HEATR4: variants seen among roughly 807,000 people sequenced by gnomAD.
HEATR4 encodes the protein HEAT repeat-containing protein 4.
HEATR4 carries 95 observed loss-of-function variants against 108.8 expected under a neutral mutation model. The ratio of observed to expected loss-of-function variants is 0.87; its 90% confidence interval spans 0.74 to 1.04. The LOEUF (loss-of-function observed/expected upper bound fraction) is 1.04, where lower values mean the gene tolerates loss of function less well. HEATR4 is among the 50% of genes least tolerant of loss of function. The probability of loss-of-function intolerance (pLI) is 0.00; values close to 1 mark genes in which losing one functional copy is unlikely to be tolerated. For missense variants in HEATR4, 1,152 were observed against 1,253.8 expected, an observed-to-expected ratio of 0.92 and a Z score of 1.23; for synonymous variants, 443 against 459.4, an observed-to-expected ratio of 0.96 and a Z score of 0.46.
At chr14:73,602,792 A>G in the HEATR4 span, among the ~76,000 whole-genome samples, 1 of 152,112 alleles carries the variant, frequency 6.6e-6, no homozygotes, top group African/African-American at 2.4e-5. Flanking sequence ...TTATTTTGAC[A>G]ATGCTTCCCA....
chr14:73,568,897 G>T, the HEATR4 span, among the ~76,000 whole-genome samples: 7 of 152,016 alleles, frequency 4.6e-5, no homozygotes, highest in Admixed American at 1.3e-4. Flanking sequence ...AAAGCCCTAA[G>T]ATTAGTAATG....
chr14:73,498,623 A>G (rs1886241187), intron 13 of HEATR4, among the ~76,000 whole-genome samples: 2 of 152,232 alleles, frequency 1.3e-5, no homozygotes, highest in Admixed American at 1.3e-4. Flanking sequence ...TGATGGGGAA[A>G]GGAGGCACAA....
At position 73,538,371 on chromosome 14, in the gene HEATR4, T is replaced by C. The variant is rs1222784736; in HGVS notation, c.-151-8127A>G. The stretch of plus-strand genomic sequence containing the variant: ...GCTCACGCCTGTAATCCCAGCACTT[T>C]GAGAAGCCGAGGCGGGCGGATCACG... On this transcript the variant is annotated intron_variant, in intron 1 of 17. Coordinates refer to ENST00000553558, the MANE Select transcript of HEATR4 (RefSeq NM_001220484.1). Among the ~76,000 whole-genome samples, 2 of 114,088 alleles carry C rather than the reference T, an allele frequency of 1.8e-5. 1 individual carries two copies. Among genetic ancestry groups the C allele is most frequent in the Non-Finnish European group, 3.8e-5 (2 of 52,538 alleles). 74.8% of individuals were successfully genotyped at this position (114,088 alleles called of 152,430 possible). A position where few individuals can be genotyped will look rare whatever the true frequency, so the allele number is the denominator to read the frequency against.
At chr14:73,616,690 CA>C in the HEATR4 span, 387 of 182,482 alleles carry the variant, frequency 2.1e-3, 1 homozygote, top group African/African-American at 7.0e-3. Flanking sequence ...GTGAGACTGT[CA>C]AAAAAAAATT....
the HEATR4 span, among the ~76,000 whole-genome samples, chr14:73,577,491 G>T: frequency 7.2e-6 from 1 of 139,252 alleles, no homozygotes; most frequent in East Asian, 2.0e-4. Flanking sequence ...TAGCTGGCCT[G>T]GCCAAGTCCC....
the HEATR4 span, among the ~76,000 whole-genome samples, chr14:73,625,052 TTTTA>T: frequency 6.6e-5 from 10 of 151,918 alleles, no homozygotes; most frequent in Admixed American, 1.3e-4. Flanking sequence ...CTTTTCATTA[TTTTA>T]TTTATTTATT....
At chr14:73,546,494 G>A (rs1316928412) in intron 1 of HEATR4, among the ~76,000 whole-genome samples, 1 of 111,682 alleles carries the variant, frequency 9.0e-6, no homozygotes, top group Non-Finnish European at 1.9e-5. Flanking sequence ...CCCCTGAGTA[G>A]CTGGGACTGC....
intron 9 of HEATR4, among the ~76,000 whole-genome samples, chr14:73,506,870 G>A (rs1289239359): frequency 5.9e-5 from 8 of 135,576 alleles, no homozygotes; most frequent in Admixed American, 8.3e-5. Context: ...GCACAATCTC[G>A]GCTCACTGCA....
At position 73,478,826 on chromosome 14, in the gene HEATR4, G is replaced by A; in HGVS notation, c.2861C>T (p.Ala954Val). The A allele has an allele frequency of 6.2e-7, 1 of 1,606,986 alleles. No homozygotes were observed. The highest frequency in any genetic ancestry group is 1.1e-5 in the South Asian group (1 of 90,912). ...EAVIKPVKPRAPNPWLQSSVP... is the reference protein window; with the variant it reads ...EAVIKPVKPRVPNPWLQSSVP... ...TGAACTTTGTAACCAGGGATTTGGT[G>A]CGCGGGGCTTCACAGGCTGCAGAGA... Residue 954 changes from alanine (A) to valine (V), a missense_variant, in exon 18 of 18, where the codon GCA becomes GTA. By Grantham distance (64) the Ala-to-Val change is moderately conservative. Transcript: ENST00000553558.
chr14:73,579,145 A>G, the HEATR4 span, among the ~76,000 whole-genome samples: 1 of 150,852 alleles, frequency 6.6e-6, no homozygotes, highest in Non-Finnish European at 1.5e-5. Context: ...AATCCCAGCT[A>G]CTTGGGAGGC....
At chr14:73,609,671 C>T in the HEATR4 span, among the ~76,000 whole-genome samples, 1 of 152,078 alleles carries the variant, frequency 6.6e-6, no homozygotes, top group Non-Finnish European at 1.5e-5. Context: ...GACAGAATCT[C>T]GCTCTGTTAC....
At chr14:73,499,434 C>T (rs1005233774) in intron 12 of HEATR4, among the ~76,000 whole-genome samples, 15 of 152,038 alleles carry the variant, frequency 9.9e-5, no homozygotes, top group Non-Finnish European at 1.5e-4. Flanking sequence ...GAGCTGAGAT[C>T]GTGCCACTGT....
At chr14:73,483,368 A>C (rs1885326810) in intron 17 of HEATR4, among the ~76,000 whole-genome samples, 1 of 152,118 alleles carries the variant, frequency 6.6e-6, no homozygotes, top group Non-Finnish European at 1.5e-5. Flanking sequence ...ACCTGGTCTT[A>C]CTATGTTGCC....
the HEATR4 span, chr14:73,573,301 CAT>C: frequency 1.8e-5 from 29 of 1,584,552 alleles, no homozygotes; most frequent in African/African-American, 8.0e-5. Flanking sequence ...TGCTGGGTCA[CAT>C]GTGTGGTAAG....
chr14:73,518,274 T>G (rs1291589484), intron 5 of HEATR4, among the ~76,000 whole-genome samples: 1 of 151,008 alleles, frequency 6.6e-6, no homozygotes, highest in Non-Finnish European at 1.5e-5. Flanking sequence ...TGTGGAGGCA[T>G]GCACCTGTGA....
chr14:73,616,142 A>C, the HEATR4 span, among the ~76,000 whole-genome samples: 1 of 151,898 alleles, frequency 6.6e-6, no homozygotes, highest in Admixed American at 6.6e-5. Context: ...AGTTTTTTAA[A>C]CTTTTTTGTA....
chr14:73,480,083 A>G (rs1366285004), intron 17 of HEATR4, among the ~76,000 whole-genome samples: 1 of 152,222 alleles, frequency 6.6e-6, no homozygotes, highest in East Asian at 1.9e-4. Flanking sequence ...TATACATTAT[A>G]TGGCGTTATT....
chr14:73,560,163 T>C (rs1889497181), upstream of HEATR4, among the ~76,000 whole-genome samples: 1 of 152,174 alleles, frequency 6.6e-6, no homozygotes, highest in Admixed American at 6.6e-5. Context: ...TGAAACAAAC[T>C]AATTTATCCT....
intron 17 of HEATR4, among the ~76,000 whole-genome samples, chr14:73,490,759 C>G (rs1426301075): frequency 6.6e-6 from 1 of 152,212 alleles, no homozygotes; most frequent in Non-Finnish European, 1.5e-5. Flanking sequence ...TTGGCCGCAA[C>G]TTGATTTTTA....
Sources: gnomAD v4.1 joint callset for allele counts (sites outside exome capture counted in the v4.1 genomes callset) on GRCh38, gnomAD v4.1.1 for gene constraint, MANE v1.5 for transcripts, NCBI Gene and HGNC (gene_info 2026-07-23, HGNC 2026-07-21) for gene names.